MRC1: variants seen among roughly 807,000 people sequenced by gnomAD.
The protein encoded by MRC1 is mannose receptor C-type 1.
Under a neutral mutation model 102.9 loss-of-function variants are expected in MRC1, and 62 were observed. The observed-to-expected ratio is 0.60, with a 90% CI of 0.49 to 0.74. The LOEUF (loss-of-function observed/expected upper bound fraction) is 0.74. Ranked by LOEUF, MRC1 falls within the 30% of genes least tolerant of loss-of-function variation. The pLI, the probability that MRC1 is intolerant of heterozygous loss-of-function variation, is 0.00. For synonymous variants in MRC1, 457 were observed against 298.4 expected, an observed-to-expected ratio of 1.53 and a Z score of -5.48; for missense variants, 1,237 against 862.8, an observed-to-expected ratio of 1.43 and a Z score of -5.43.
chr10:17,843,471 G>T (rs1366663582), intron 5 of MRC1, among the ~76,000 whole-genome samples: 1 of 152,068 alleles, frequency 6.6e-6, no homozygotes, highest in Non-Finnish European at 1.5e-5. Context: ...TTCAAGACCA[G>T]CCTGGTCAAG....
chr10:17,854,654 G>A, intron 8 of MRC1: 1 of 175,782 alleles, frequency 5.7e-6, no homozygotes, highest in South Asian at 9.2e-5. Context: ...TAGGATATGA[G>A]GAGTTAAAGA....
At chr10:17,830,321 G>A (rs1245432207) in intron 3 of MRC1, among the ~76,000 whole-genome samples, 3 of 151,144 alleles carry the variant, frequency 2.0e-5, no homozygotes, top group East Asian at 3.9e-4. Flanking sequence ...GAGTAGAGAA[G>A]GGGTTTCACC....
intron 8 of MRC1, 126 bp from the exon 9 acceptor site, chr10:17,856,116 G>A: frequency 2.9e-6 from 2 of 688,998 alleles, no homozygotes; most frequent in Non-Finnish European, 5.1e-6. Flanking sequence ...GTTGCCATGA[G>A]CCAAGATCGC....
intron 22 of MRC1, 138 bp from the exon 23 acceptor site, chr10:17,894,072 T>C (rs1197442291): frequency 1.4e-6 from 1 of 691,522 alleles, no homozygotes; most frequent in Non-Finnish European, 2.7e-6. Context: ...TAATGATGGA[T>C]TGAGCATATC....
intron 15 of MRC1, among the ~76,000 whole-genome samples, chr10:17,872,427 T>C (rs910205031): frequency 6.6e-6 from 1 of 152,192 alleles, no homozygotes; most frequent in African/African-American, 2.4e-5. Context: ...GTGAGTGTCC[T>C]ATGCTGTCAA....
intron 9 of MRC1, 123 bp from the exon 10 acceptor site, chr10:17,861,264 G>C: frequency 1.8e-6 from 1 of 561,836 alleles, no homozygotes; most frequent in South Asian, 2.3e-5. Context: ...AGTGAGCCAA[G>C]ATTGCGCCAT....
intron 21 of MRC1, among the ~76,000 whole-genome samples, chr10:17,884,031 A>AC (rs1833555835): frequency 2.0e-5 from 3 of 152,184 alleles, no homozygotes; most frequent in African/African-American, 7.2e-5. Flanking sequence ...CAGTGGCACA[A>AC]CCATGGCTGT....
intron 3 of MRC1, among the ~76,000 whole-genome samples, 165 bp downstream of exon 3, chr10:17,827,880 T>G (rs998124359): frequency 8.5e-5 from 13 of 152,168 alleles, no homozygotes; most frequent in African/African-American, 2.2e-4. Context: ...CATTTTCCAA[T>G]GGAGAAAATG....
chr10:17,837,810 A>G (rs2130620517), intron 4 of MRC1, among the ~76,000 whole-genome samples: 1 of 152,122 alleles, frequency 6.6e-6, no homozygotes, highest in African/African-American at 2.4e-5. Flanking sequence ...CATGTTGCCC[A>G]GGATGGTTTT....
chr10:17,886,316 C>CTT (rs1231134042), intron 22 of MRC1, among the ~76,000 whole-genome samples: 3 of 149,234 alleles, frequency 2.0e-5, no homozygotes, highest in African/African-American at 5.0e-5. Flanking sequence ...TCCTTCCTTC[C>CTT]CTCCTTCCTT....
At position 17,873,920 on chromosome 10, in the gene MRC1, G is replaced by A. The variant is rs1833390414; in HGVS notation, c.2386+95G>A. On this transcript the variant is annotated intron_variant, in intron 16 of 29. Transcript: ENST00000569591. ...AAAAATTACTTGCCCTAGGAAGGTA[G>A]AGAGCAGAAGTCCTTAATAACCTTT... 18 of 808,202 alleles carry A rather than the reference G, an allele frequency of 2.2e-5. No homozygotes were observed. In the South Asian group the frequency reaches 2.3e-4, roughly 11 times the overall value. 50.1% of individuals were successfully genotyped at this position (808,202 alleles called of 1,614,324 possible). A position where few individuals can be genotyped will look rare whatever the true frequency, so the allele number is the denominator to read the frequency against.
chr10:17,907,719 A>G (rs1833914622), intron 28 of MRC1, 21 bp downstream of exon 28: 2 of 780,776 alleles, frequency 2.6e-6, no homozygotes, highest in Non-Finnish European at 2.4e-6. Context: ...AGTTTGTTGC[A>G]TGGTGCATAT....
chr10:17,880,169 A>G lies in MRC1; in HGVS notation c.2719+348A>G, dbSNP rs995766939. On this transcript the variant is annotated intron_variant, in intron 19 of 29. Coordinates refer to ENST00000569591, the MANE Select transcript of MRC1 (RefSeq NM_002438.4). ...ATGGGAATAATGACACAATCTATCA[A>G]TTGTTGAGAAGATAAAATGAAATCA... 7.9e-5 allele frequency among the ~76,000 whole-genome samples: 12 copies of G among 152,292 alleles called. No individual in the cohort carries two copies. The East Asian group carries it at 9.7e-4, about 12-fold the overall frequency.
At position 17,861,638 on chromosome 10, in the gene MRC1, A is replaced by G. The variant is rs941535773; in HGVS notation, c.1634+136A>G. On this transcript the variant is annotated intron_variant, in intron 10 of 29. Coordinates refer to ENST00000569591, the MANE Select transcript of MRC1 (RefSeq NM_002438.4). ...TGATTTGTAAAGATAGAAGCATTAA[A>G]AATAATATTCTTATTTGGATTCTTC... 1.4e-4 allele frequency: 84 copies of G among 616,576 alleles called. 1 individual carries two copies. Among genetic ancestry groups the G allele is most frequent in the East Asian group, 7.0e-4 (25 of 35,932 alleles). 38.2% of individuals were successfully genotyped at this position (616,576 alleles called of 1,614,324 possible).
At chr10:17,820,918 C>T (rs1373141286) in intron 1 of MRC1, among the ~76,000 whole-genome samples, 4 of 152,082 alleles carry the variant, frequency 2.6e-5, no homozygotes, top group African/African-American at 9.7e-5. Context: ...CCTATATTAT[C>T]AAAATTCTCA....
chr10:17,828,224 C>T (rs1415703034), intron 3 of MRC1, among the ~76,000 whole-genome samples: 1 of 152,104 alleles, frequency 6.6e-6, no homozygotes, highest in East Asian at 1.9e-4. Flanking sequence ...CTACAGGCGC[C>T]CGCCACCACG....
Position 17,837,624 on chromosome 10 carries a change from T to A in MRC1, c.803-3069T>A, listed in dbSNP as rs1457739976. Among the ~76,000 whole-genome samples the A allele has an allele frequency of 2.0e-5, 3 of 151,886 alleles. No homozygotes were observed. The East Asian group carries it at 5.8e-4, about 29-fold the overall frequency. On this transcript the variant is annotated intron_variant, in intron 4 of 29. Coordinates refer to ENST00000569591, the MANE Select transcript of MRC1 (RefSeq NM_002438.4). The stretch of plus-strand genomic sequence containing the variant: ...CTTTTTATTTTATTTTATTTTATTT[T>A]ATTTATTATTATTATTTTTTTTGAG...
rs1032349380 is a variant in MRC1 at position 17,899,314 on chromosome 10, T to C, written c.3483+1048T>C. On this transcript the variant is annotated intron_variant, in intron 24 of 29. Coordinates refer to ENST00000569591, the MANE Select transcript of MRC1 (RefSeq NM_002438.4). Reference sequence around the variant, plus strand: ...TTTTTACGTCGCTGTTGACTAAGTTTTTATAATTAAGTCATTTGATAAGTC... The same window carrying C: ...TTTTTACGTCGCTGTTGACTAAGTTCTTATAATTAAGTCATTTGATAAGTC... Among the ~76,000 whole-genome samples the C allele has an allele frequency of 1.2e-3, 187 of 152,366 alleles. 1 individual carries two copies. The highest frequency in any genetic ancestry group is 4.4e-3 in the African/African-American group (182 of 41,596).
rs989289446 is a variant in MRC1 at position 17,900,511 on chromosome 10, C to T, written c.3484-277C>T. ...AAACCTGCAAACAAGGGGAGTTTCA[C>T]GGAATAAGAGATAAATTTTTTTTTA... On this transcript the variant is annotated intron_variant, in intron 24 of 29. Transcript: ENST00000569591. Among the ~76,000 whole-genome samples the T allele has an allele frequency of 1.1e-3, 165 of 152,138 alleles. 2 individuals are homozygous for T. Among genetic ancestry groups the T allele is most frequent in the Middle Eastern group, 3.4e-3 (1 of 294 alleles).
Sources: allele counts gnomAD v4.1 joint callset (sites outside exome capture counted in the v4.1 genomes callset), GRCh38; gene constraint gnomAD v4.1.1; transcripts MANE v1.5; gene names NCBI Gene and HGNC (gene_info 2026-07-23, HGNC 2026-07-21).